MACROD1: variants seen among roughly 807,000 people sequenced by gnomAD.
MACROD1 encodes ADP-ribose glycohydrolase MACROD1.
MACROD1 carries 31 observed loss-of-function variants against 41.4 expected under a neutral mutation model. The observed-to-expected ratio is 0.75, with a 90% CI of 0.56 to 1.01. The LOEUF (loss-of-function observed/expected upper bound fraction) is 1.01. MACROD1 is among the 50% of genes least tolerant of loss of function. MACROD1 has a pLI of 0.00. For synonymous variants in MACROD1, 252 were observed against 203.4 expected (o/e 1.24, Z -2.03); for missense variants, 473 against 460.0 (o/e 1.03, Z -0.26).
chr11:64,127,955 T>G (rs536397520), intron 3 of MACROD1, among the ~76,000 whole-genome samples: 1 of 152,322 alleles, frequency 6.6e-6, no homozygotes, highest in East Asian at 1.9e-4. Context: ...AAATTTAACA[T>G]AAAACAAGAA....
At chr11:64,119,745 C>T (rs557813061) in intron 3 of MACROD1, among the ~76,000 whole-genome samples, 1 of 152,262 alleles carries the variant, frequency 6.6e-6, no homozygotes, top group African/African-American at 2.4e-5. Context: ...CTGGGACCCT[C>T]AGAAGAGTTA....
At chr11:64,095,627 G>A (rs1171512052) in intron 3 of MACROD1, among the ~76,000 whole-genome samples, 3 of 152,222 alleles carry the variant, frequency 2.0e-5, no homozygotes, top group Non-Finnish European at 4.4e-5. Flanking sequence ...GCTTCCCCCA[G>A]CTGCACCTGA....
chr11:64,153,572 T>TCCAGG (rs1945618337), intron 1 of MACROD1, among the ~76,000 whole-genome samples: 1 of 152,082 alleles, frequency 6.6e-6, no homozygotes, highest in African/African-American at 2.4e-5. Context: ...GGCCTCCATC[T>TCCAGG]CCTCATCTAA....
At chr11:64,039,617 C>T (rs548668347) in intron 3 of MACROD1, among the ~76,000 whole-genome samples, 6 of 152,192 alleles carry the variant, frequency 3.9e-5, no homozygotes, top group South Asian at 2.1e-4. Flanking sequence ...CTCCTCCCCC[C>T]GGACAGCCTG....
chr11:64,087,112 G>A (rs1367910694), intron 3 of MACROD1: 1 of 152,190 alleles, frequency 6.6e-6, no homozygotes, highest in Non-Finnish European at 1.5e-5. Context: ...TAAATGATAT[G>A]GGGCCATATT....
rs757460111 is a variant in MACROD1 at position 64,152,318 on chromosome 11, A to T, written c.374T>A (p.Ile125Asn). 10 of 1,614,070 alleles carry T rather than the reference A, an allele frequency of 6.2e-6. No individual in the cohort carries two copies. Among genetic ancestry groups the T allele is most frequent in the South Asian group, 1.1e-5 (1 of 91,088 alleles). Residue 125 changes from isoleucine (I) to asparagine (N), a missense_variant, in exon 2 of 11, where the codon ATC (isoleucine) becomes AAC (asparagine). Ile to Asn is a moderately radical substitution (Grantham distance 149). Coordinates refer to ENST00000255681, the MANE Select transcript of MACROD1 (RefSeq NM_014067.4). Reference sequence around the variant, plus strand: ...TTTCGCCATCTCCTTCCATGTCGGGATCTTCTTCAGCCTGACAAAGTCCTT... The same window carrying T: ...TTTCGCCATCTCCTTCCATGTCGGGTTCTTCTTCAGCCTGACAAAGTCCTT... ...FCKDFVRLKK[I>N]PTWKEMAKGV...
intron 3 of MACROD1, among the ~76,000 whole-genome samples, chr11:64,088,008 T>G (rs1014097836): frequency 3.3e-5 from 5 of 152,070 alleles, no homozygotes; most frequent in Admixed American, 2.6e-4. Flanking sequence ...GGCTGTGGTG[T>G]GGAAACACCC....
intron 3 of MACROD1, among the ~76,000 whole-genome samples, chr11:64,073,561 G>C (rs1037845483): frequency 1.3e-5 from 2 of 152,240 alleles, no homozygotes; most frequent in African/African-American, 4.8e-5. Context: ...ATTAGTGCCA[G>C]TTGCCTGCCG....
intron 4 of MACROD1, among the ~76,000 whole-genome samples, chr11:64,010,652 T>C (rs115480275): frequency 0.016 from 2,410 of 149,170 alleles, 60 homozygotes; most frequent in African/African-American, 0.057. Context: ...GTTTGGGGTG[T>C]TAGTTGGGGT....
In MACROD1 at chr11:64,115,970, G is replaced by T. The variant is rs193197040; in HGVS notation, c.517+35269C>A. On this transcript the variant is annotated intron_variant, in intron 3 of 10. Coordinates refer to ENST00000255681, the MANE Select transcript of MACROD1 (RefSeq NM_014067.4). ...CCGCGGCAGCACGGGTCTCATTAATGCGCAGCCTCTTGGCTCCTGATAAGA... is the reference window on the plus strand; with the variant it reads ...CCGCGGCAGCACGGGTCTCATTAATTCGCAGCCTCTTGGCTCCTGATAAGA... Among the ~76,000 whole-genome samples, 28 of 152,320 alleles carry T rather than the reference G, an allele frequency of 1.8e-4. No homozygotes were observed. The East Asian group carries it at 5.0e-3, about 27-fold the overall frequency.
intron 1 of MACROD1, among the ~76,000 whole-genome samples, chr11:64,157,199 T>C (rs772049830): frequency 4.6e-5 from 7 of 152,090 alleles, no homozygotes; most frequent in Non-Finnish European, 1.0e-4. Context: ...TTCAAGCAAT[T>C]CTCATGCCTC....
rs569734924 is a variant in MACROD1, at chr11:64,103,088, A to T, written c.517+48151T>A. Reference sequence around the variant, plus strand: ...CCATCTCAAAAAAAAAAACAAAAAAACAGGATCCAAAGCAAAGGGGGCTGC... The same window carrying T: ...CCATCTCAAAAAAAAAAACAAAAAATCAGGATCCAAAGCAAAGGGGGCTGC... On this transcript the variant is annotated intron_variant, in intron 3 of 10. Coordinates refer to ENST00000255681, the MANE Select transcript of MACROD1 (RefSeq NM_014067.4). 5 of 152,416 alleles carry T rather than the reference A, an allele frequency of 3.3e-5. No homozygotes were observed. In the East Asian group the frequency reaches 9.7e-4, roughly 30 times the overall value. 9.4% of individuals were successfully genotyped at this position (152,416 alleles called of 1,614,324 possible).
chr11:64,111,543 G>C (rs1207569936), intron 3 of MACROD1, among the ~76,000 whole-genome samples: 4 of 152,234 alleles, frequency 2.6e-5, no homozygotes, highest in Non-Finnish European at 5.9e-5. Context: ...AATCTGGGCT[G>C]GCTGTGACCT....
At chr11:64,141,485 A>T (rs1470048028) in intron 3 of MACROD1, among the ~76,000 whole-genome samples, 5 of 152,328 alleles carry the variant, frequency 3.3e-5, no homozygotes, top group African/African-American at 1.2e-4. Context: ...CGGGCAGGCA[A>T]GCCACGGCCT....
chr11:64,043,431 A>T (rs1943526330), intron 3 of MACROD1, among the ~76,000 whole-genome samples: 1 of 152,170 alleles, frequency 6.6e-6, no homozygotes, highest in Non-Finnish European at 1.5e-5. Flanking sequence ...ATCAGGGAGC[A>T]GTGGACTCTA....
At chr11:64,088,601 C>A (rs924556571) in intron 3 of MACROD1, among the ~76,000 whole-genome samples, 2 of 143,410 alleles carry the variant, frequency 1.4e-5, no homozygotes, top group African/African-American at 5.4e-5. Flanking sequence ...TCCTCCTCCT[C>A]CCCGGGTTTT....
At chr11:64,137,766 G>A (rs1945352496) in intron 3 of MACROD1, among the ~76,000 whole-genome samples, 1 of 152,186 alleles carries the variant, frequency 6.6e-6, no homozygotes, top group Non-Finnish European at 1.5e-5. Flanking sequence ...CAAGAGGCTG[G>A]TGGCCTGGAA....
At chr11:64,084,359 C>T (rs1341964507) in intron 3 of MACROD1, among the ~76,000 whole-genome samples, 1 of 152,196 alleles carries the variant, frequency 6.6e-6, no homozygotes, top group Non-Finnish European at 1.5e-5. Context: ...CTGCCACGTG[C>T]TCTGCCCACG....
At chr11:64,155,774 G>A (rs1382836918) in intron 1 of MACROD1, among the ~76,000 whole-genome samples, 2 of 152,022 alleles carry the variant, frequency 1.3e-5, no homozygotes, top group African/African-American at 2.4e-5. Context: ...GACCAGCCTG[G>A]ACAATATGGA....
Sources: gnomAD v4.1 joint callset for allele counts (sites outside exome capture counted in the v4.1 genomes callset) on GRCh38, gnomAD v4.1.1 for gene constraint, MANE v1.5 for transcripts, NCBI Gene and HGNC (gene_info 2026-07-23, HGNC 2026-07-21) for gene names.